Variants in TBC1D1 observed in about 807,000 individuals in gnomAD.
TBC1D1 encodes the protein TBC1 (tre-2/USP6, BUB2, cdc16) domain family, member 1.
In TBC1D1, 89 loss-of-function variants were observed where a neutral mutation model predicts 125.6. The observed-to-expected ratio is 0.71, with a 90% CI of 0.60 to 0.85. TBC1D1 has a LOEUF of 0.85. Among genes scored for constraint, TBC1D1 ranks in the 40% least tolerant of loss-of-function variants. TBC1D1 has a pLI of 0.00. For missense variants in TBC1D1, 1,377 were observed against 1,469.2 expected (o/e 0.94, Z 1.03); for synonymous variants, 565 against 564.1 (o/e 1.00, Z -0.02).
At chr4:38,019,606 T>A (rs1050183298) in intron 4 of TBC1D1, among the ~76,000 whole-genome samples, 2 of 152,194 alleles carry the variant, frequency 1.3e-5, no homozygotes, top group African/African-American at 4.8e-5. Flanking sequence ...TACCTGAACA[T>A]TAAGCTATCA....
intron 2 of TBC1D1, among the ~76,000 whole-genome samples, chr4:37,964,249 A>C (rs551198458): frequency 6.6e-6 from 1 of 152,312 alleles, no homozygotes; most frequent in African/African-American, 2.4e-5. Context: ...TTAAAGCAGC[A>C]TTTGTTGGCA....
In TBC1D1 at chr4:38,018,401, A is replaced by T. The variant is rs1314069818; in HGVS notation, c.930A>T (p.Ile310=). 3 of 1,612,400 alleles carry T rather than the reference A, an allele frequency of 1.9e-6. No homozygotes were observed. Among genetic ancestry groups the T allele is most frequent in the East Asian group, 2.2e-5 (1 of 44,780 alleles). Reference sequence around the variant, plus strand: ...TCATCAGTCCTGACACCAAAAAAATAGCATTGGAGAAAAATTTTAAGGAGA... The same window carrying T: ...TCATCAGTCCTGACACCAAAAAAATTGCATTGGAGAAAAATTTTAAGGAGA... Residue 310 remains isoleucine, a synonymous_variant, in exon 4 of 20, where the codon ATA becomes ATT. Transcript: ENST00000261439.
chr4:38,062,571 C>A (rs985498249), intron 12 of TBC1D1, among the ~76,000 whole-genome samples: 7 of 152,110 alleles, frequency 4.6e-5, no homozygotes, highest in Non-Finnish European at 8.8e-5. Context: ...TCATGGATTT[C>A]TATGGTTAAA....
intron 2 of TBC1D1, among the ~76,000 whole-genome samples, chr4:37,993,810 G>A (rs770879387): frequency 1.3e-5 from 2 of 152,194 alleles, no homozygotes; most frequent in Non-Finnish European, 2.9e-5. Flanking sequence ...TCGAACTCCG[G>A]ACCTCAAGTG....
At chr4:38,012,457 T>G (rs1741714266) in intron 2 of TBC1D1, among the ~76,000 whole-genome samples, 1 of 152,170 alleles carries the variant, frequency 6.6e-6, no homozygotes, top group Non-Finnish European at 1.5e-5. Context: ...GTATTTTGTA[T>G]AGAGACGAGG....
intron 1 of TBC1D1, among the ~76,000 whole-genome samples, chr4:37,892,118 G>T (rs1713465874): frequency 6.6e-6 from 1 of 152,070 alleles, no homozygotes. Context: ...TCCCTTCATA[G>T]ATTTCTCATT....
intron 1 of TBC1D1, among the ~76,000 whole-genome samples, chr4:37,893,991 CT>C (rs34402649): frequency 0.58 from 79,574 of 136,876 alleles, 22,881 homozygotes; most frequent in Non-Finnish European, 0.65. Flanking sequence ...AGGTTTTTGA[CT>C]TTTTTTTTTT....
intron 2 of TBC1D1, among the ~76,000 whole-genome samples, chr4:37,917,614 CT>C (rs1720010300): frequency 6.6e-6 from 1 of 152,174 alleles, no homozygotes; most frequent in African/African-American, 2.4e-5. Flanking sequence ...CCAGGATTCA[CT>C]GGGGCAGGGA....
chr4:37,949,220 G>A (rs1413972427), intron 2 of TBC1D1, among the ~76,000 whole-genome samples: 1 of 152,174 alleles, frequency 6.6e-6, no homozygotes, highest in Non-Finnish European at 1.5e-5. Context: ...CAAAATATGT[G>A]GAGACTTTTT....
intron 1 of TBC1D1, among the ~76,000 whole-genome samples, chr4:37,896,624 G>C (rs1714686374): frequency 6.6e-6 from 1 of 152,160 alleles, no homozygotes; most frequent in Non-Finnish European, 1.5e-5. Flanking sequence ...TGAGTAACTT[G>C]CTTTTTCAAC....
chr4:38,103,342 C>T (rs1335214260), intron 15 of TBC1D1, among the ~76,000 whole-genome samples, 185 bp downstream of exon 17: 2 of 152,186 alleles, frequency 1.3e-5, no homozygotes. Context: ...ATAAAAATCT[C>T]TGTATTTTCA....
chr4:37,899,421 A>G (rs1013611329), intron 1 of TBC1D1, among the ~76,000 whole-genome samples: 1 of 152,150 alleles, frequency 6.6e-6, no homozygotes, highest in African/African-American at 2.4e-5. Flanking sequence ...GGAGCAGAAC[A>G]CTTGGGCACC....
chr4:38,068,176 A>G (rs751441669), intron 12 of TBC1D1, among the ~76,000 whole-genome samples: 3 of 152,152 alleles, frequency 2.0e-5, no homozygotes, highest in Non-Finnish European at 2.9e-5. Context: ...TGACCCCTCT[A>G]TATCTGGAGA....
chr4:38,136,497 A>G (rs963817440), intron 19 of TBC1D1, among the ~76,000 whole-genome samples: 2 of 152,150 alleles, frequency 1.3e-5, no homozygotes, highest in Non-Finnish European at 2.9e-5. Context: ...CTAACTTTAC[A>G]CAGTAGCTTT....
intron 17 of TBC1D1, among the ~76,000 whole-genome samples, chr4:38,121,608 G>A (rs1212236645): frequency 6.6e-6 from 1 of 152,174 alleles, no homozygotes; most frequent in Non-Finnish European, 1.5e-5. Flanking sequence ...GCCTCACTGC[G>A]CTGGGCGGCT....
chr4:38,009,787 AGGTT>A (rs1741091808), intron 2 of TBC1D1, among the ~76,000 whole-genome samples: 3 of 152,236 alleles, frequency 2.0e-5, no homozygotes, highest in Non-Finnish European at 1.5e-5. Context: ...AAACTCAAAT[AGGTT>A]GGCAGAAGAG....
At chr4:37,913,736 A>ATTTTTTTTTTTTTTTTTTTTTT (rs34409078) in intron 2 of TBC1D1, among the ~76,000 whole-genome samples, 1 of 138,680 alleles carries the variant, frequency 7.2e-6, no homozygotes. Context: ...TACTGGCCCA[A>ATTTTTTTTTTTTTTTTTTTTTT]TTTTTTTTTT....
intron 2 of TBC1D1, among the ~76,000 whole-genome samples, chr4:37,954,889 C>CTTTTTT (rs10691932): frequency 1.7e-4 from 19 of 109,448 alleles, no homozygotes; most frequent in South Asian, 9.3e-4. Context: ...TTGAAACAGT[C>CTTTTTT]TTTTTTTTTT....
At chr4:37,920,585 G>A (rs1194357325) in intron 2 of TBC1D1, among the ~76,000 whole-genome samples, 1 of 152,198 alleles carries the variant, frequency 6.6e-6, no homozygotes, top group African/African-American at 2.4e-5. Flanking sequence ...GCCGTTTGAG[G>A]GATGTTCAAT....
Sources: gnomAD v4.1 joint callset for allele counts (sites outside exome capture counted in the v4.1 genomes callset) on GRCh38, gnomAD v4.1.1 for gene constraint, MANE v1.5 for transcripts, NCBI Gene and HGNC (gene_info 2026-07-23, HGNC 2026-07-21) for gene names.